Variants in MEIS1 observed in about 807,000 individuals in gnomAD.
The protein encoded by MEIS1 is homeobox protein Meis1.
In MEIS1, 5 loss-of-function variants were observed where a neutral mutation model predicts 50.8. The ratio of observed to expected loss-of-function variants is 0.10; its 90% CI spans 0.05 to 0.21. MEIS1 has a LOEUF of 0.21. MEIS1 is among the 10% of genes least tolerant of loss of function. The pLI is 1.00. For synonymous variants in MEIS1, 176 were observed against 179.3 expected, an observed-to-expected ratio of 0.98 and a Z score of 0.15; for missense variants, 318 against 517.3, an observed-to-expected ratio of 0.61 and a Z score of 3.74.
chr2:66,441,404 A>G lies in MEIS1; in HGVS notation c.433-10A>G, dbSNP rs41285949. 2,666 of 1,541,604 alleles carry G rather than the reference A, an allele frequency of 1.7e-3. 5 individuals carry two copies. Among genetic ancestry groups the G allele is most frequent in the Non-Finnish European group, 2.2e-3 (2,463 of 1,145,278 alleles). Reference sequence around the variant, plus strand: ...GGAATGGGGTGCTTATTGTTTTTGTATCTTTGCAGATGATTCAAGCCATAC... The same window carrying G: ...GGAATGGGGTGCTTATTGTTTTTGTGTCTTTGCAGATGATTCAAGCCATAC... On this transcript the variant is annotated splice_polypyrimidine_tract_variant and intron_variant, in intron 4 of 12. Transcript: ENST00000272369.
At chr2:66,536,990 A>G (rs1572887730) in intron 8 of MEIS1, among the ~76,000 whole-genome samples, 1 of 152,188 alleles carries the variant, frequency 6.6e-6, no homozygotes, top group Admixed American at 6.5e-5. Context: ...TGTCATCTTT[A>G]TGGCTATTCT....
rs965563654 is a variant in MEIS1 at position 66,442,802 on chromosome 2, T to C, written c.484-100T>C. ...GACAATTGCCCTGTGTTTCCCCTAT[T>C]TGGAAGTTTGGATCTCACAAGGGGG... On this transcript the variant is annotated intron_variant, in intron 5 of 12. Transcript: ENST00000272369. 4.4e-6 allele frequency: 5 copies of C among 1,148,710 alleles called. No homozygotes were observed. In the African/African-American group the frequency reaches 8.1e-5, roughly 19 times the overall value. 71.2% of individuals were successfully genotyped at this position (1,148,710 alleles called of 1,614,324 possible). A position where few individuals can be genotyped will look rare whatever the true frequency, so the allele number is the denominator to read the frequency against.
chr2:66,571,151 GTTCTC>G, intron 12 of MEIS1, 90 bp from the exon 13 acceptor site: 1 of 1,292,616 alleles, frequency 7.7e-7, no homozygotes, highest in Non-Finnish European at 1.1e-6. Flanking sequence ...TAATCACAGG[GTTCTC>G]TGGCTTTTAT....
At chr2:66,473,368 G>A in intron 7 of MEIS1, among the ~76,000 whole-genome samples, 1 of 94,994 alleles carries the variant, frequency 1.1e-5, no homozygotes, top group Non-Finnish European at 1.7e-5. Flanking sequence ...ACAAGAGTGA[G>A]ACTCCATGTC....
rs375889933 is a variant in MEIS1 at position 66,472,967 on chromosome 2, GA to G, written c.742+8748del. Among the ~76,000 whole-genome samples, 7 of 152,196 alleles carry G rather than the reference GA, an allele frequency of 4.6e-5. 1 individual carries two copies. The highest frequency in any genetic ancestry group is 1.7e-4 in the African/African-American group (7 of 41,496). ...CTTTGGCAGTCTGGTGAAGCCAATG[GA>G]TACCTTATCAGAGTAATATATTTAT... is the stretch of plus-strand genomic sequence containing the variant. On this transcript the variant is annotated intron_variant, in intron 7 of 12. Transcript: ENST00000272369.
rs71980656 is a variant in MEIS1, at chr2:66,552,028, GACACAC to G, written c.965+4033_965+4038del. Among the ~76,000 whole-genome samples the G allele has an allele frequency of 2.6e-4, 39 of 147,198 alleles. 1 individual carries two copies. The highest frequency in any genetic ancestry group is 1.7e-3 in the Admixed American group (25 of 14,614). ...AGTATTTAAGTAGAACTTTATGGAAGACACACACACACACACACACACACACACAAT... is the reference window on the plus strand; with the variant it reads ...AGTATTTAAGTAGAACTTTATGGAAGACACACACACACACACACACACAAT... On this transcript the variant is annotated intron_variant, in intron 9 of 12. Coordinates refer to ENST00000272369, the MANE Select transcript of MEIS1 (RefSeq NM_002398.3).
intron 4 of MEIS1, chr2:66,440,939 C>T (rs1479836541): frequency 2.6e-6 from 1 of 389,390 alleles, no homozygotes; most frequent in Non-Finnish European, 4.5e-6. Flanking sequence ...GACTTCCTAG[C>T]CCTCTAAGTC....
intron 8 of MEIS1, among the ~76,000 whole-genome samples, chr2:66,545,715 A>G (rs957332021): frequency 1.3e-5 from 2 of 152,178 alleles, no homozygotes; most frequent in African/African-American, 4.8e-5. Context: ...TTTAAACCTT[A>G]GGGTAATGGA....
chr2:66,506,869 AC>A (rs1339781746), intron 7 of MEIS1, among the ~76,000 whole-genome samples: 2 of 152,190 alleles, frequency 1.3e-5, no homozygotes, highest in East Asian at 3.9e-4. Context: ...TTTCCTAATA[AC>A]CCTGGACATC....
chr2:66,520,581 A>G (rs1277506848), intron 8 of MEIS1, among the ~76,000 whole-genome samples: 1 of 152,214 alleles, frequency 6.6e-6, no homozygotes, highest in Non-Finnish European at 1.5e-5. Context: ...TGCCTGCATA[A>G]TGTGACTTTT....
chr2:66,440,080 C>G (rs893032322), intron 3 of MEIS1, 96 bp downstream of exon 3: 4 of 1,102,704 alleles, frequency 3.6e-6, no homozygotes, highest in Non-Finnish European at 5.1e-6. Flanking sequence ...CACACACACA[C>G]ACACACACAC....
intron 7 of MEIS1, among the ~76,000 whole-genome samples, chr2:66,498,266 A>T (rs1446251756): frequency 6.6e-6 from 1 of 152,054 alleles, no homozygotes; most frequent in Non-Finnish European, 1.5e-5. Flanking sequence ...TATATAGCTG[A>T]TTTTATTTCA....
Position 66,547,867 on chromosome 2 carries a change from T to G in MEIS1, c.889-76T>G. 2.8e-6 allele frequency: 4 copies of G among 1,405,462 alleles called. No individual in the cohort carries two copies. In the Middle Eastern group the frequency reaches 7.1e-4, roughly 250 times the overall value. 87.1% of individuals were successfully genotyped at this position (1,405,462 alleles called of 1,614,324 possible). On this transcript the variant is annotated intron_variant, in intron 8 of 12. Transcript: ENST00000272369. ...GCATTTTTACCTTTAATTATAGACT[T>G]CATGAGACACTTAGGCTATTGACAA...
At position 66,435,799 on chromosome 2, in the gene MEIS1, C is replaced by T; in HGVS notation, c.-58C>T. ...GAGTTTGAATATTTGTTTCTTTTCA[C>T]ACTGGCCTTAAAGAGGATATATTAG... On this transcript the variant is annotated 5_prime_UTR_variant, in exon 1 of 13. Transcript: ENST00000272369. 1.1e-6 allele frequency: 1 copy of T among 876,824 alleles called. No homozygotes were observed. Among genetic ancestry groups the T allele is most frequent in the South Asian group, 1.7e-5 (1 of 58,380 alleles). 54.3% of individuals were successfully genotyped at this position (876,824 alleles called of 1,614,324 possible).
chr2:66,463,205 G>C (rs1260032649), intron 6 of MEIS1, among the ~76,000 whole-genome samples: 7 of 151,334 alleles, frequency 4.6e-5, no homozygotes, highest in Non-Finnish European at 7.4e-5. Context: ...TTACATACGA[G>C]ATGATCCTGT....
chr2:66,493,228 G>A (rs1316537123), intron 7 of MEIS1, among the ~76,000 whole-genome samples: 1 of 152,114 alleles, frequency 6.6e-6, no homozygotes, highest in Non-Finnish European at 1.5e-5. Context: ...GTCTTATCTT[G>A]AAGGCATAAA....
intron 7 of MEIS1, among the ~76,000 whole-genome samples, chr2:66,488,806 C>T (rs1015935766): frequency 3.9e-5 from 6 of 152,164 alleles, no homozygotes; most frequent in African/African-American, 1.4e-4. Context: ...GAGAAAACTT[C>T]AGTCTGATAT....
chr2:66,437,694 G>A (rs1271086985), intron 1 of MEIS1, 43 bp from the exon 2 acceptor site: 35 of 1,591,392 alleles, frequency 2.2e-5, no homozygotes, highest in Non-Finnish European at 3.0e-5. Context: ...CCATTTGCCC[G>A]CCTGGCCTCC....
chr2:66,445,848 T>C lies in MEIS1; in HGVS notation c.630+2800T>C, dbSNP rs184387368. ...TTCTTTCTTCTCTCTTTCCTATTTA[T>C]TTATTTATTTTAAAAATAGGATTAA... On this transcript the variant is annotated intron_variant, in intron 6 of 12. Transcript: ENST00000272369. Among the ~76,000 whole-genome samples, 728 of 152,294 alleles carry C rather than the reference T, an allele frequency of 4.8e-3. 7 individuals are homozygous for C. Among genetic ancestry groups the C allele is most frequent in the African/African-American group, 0.017 (699 of 41,556 alleles).
Sources: allele counts gnomAD v4.1 joint callset (sites outside exome capture counted in the v4.1 genomes callset), GRCh38; gene constraint gnomAD v4.1.1; transcripts MANE v1.5; gene names NCBI Gene and HGNC (gene_info 2026-07-23, HGNC 2026-07-21).